The following VDR variants were observed in gnomAD, a reference collection of about 807,000 sequenced individuals.
VDR encodes the protein vitamin D3 receptor.
A neutral mutation model predicts 39.7 loss-of-function variants in VDR; 19 were observed. That is an observed-to-expected ratio of 0.48 (90% CI 0.33 to 0.70). VDR has a LOEUF of 0.70. VDR is among the 30% of genes least tolerant of loss of function. The pLI is 0.02. For missense variants in VDR, 442 were observed against 570.5 expected, an observed-to-expected ratio of 0.77 and a Z score of 2.29; for synonymous variants, 242 against 215.8, an observed-to-expected ratio of 1.12 and a Z score of -1.07.
At chr12:47,879,901 T>C (rs1390673320) in intron 2 of VDR, among the ~76,000 whole-genome samples, 1 of 152,200 alleles carries the variant, frequency 6.6e-6, no homozygotes, top group Non-Finnish European at 1.5e-5. Flanking sequence ...GATTTCATAC[T>C]TGAGGAAAAG....
intron 2 of VDR, among the ~76,000 whole-genome samples, chr12:47,881,618 A>T (rs1023770494): frequency 2.0e-5 from 3 of 152,140 alleles, no homozygotes; most frequent in Admixed American, 2.0e-4. Flanking sequence ...TCTTCTTCTT[A>T]TTATTATTAG....
At chr12:47,898,981 G>C (rs1003608795) in intron 1 of VDR, among the ~76,000 whole-genome samples, 1 of 152,182 alleles carries the variant, frequency 6.6e-6, no homozygotes, top group Non-Finnish European at 1.5e-5. Context: ...AACTTAGGTG[G>C]TAGGTACAGG....
intron 3 of VDR, among the ~76,000 whole-genome samples, chr12:47,867,773 C>T (rs549361446): frequency 2.6e-5 from 4 of 152,358 alleles, no homozygotes; most frequent in African/African-American, 9.6e-5. Context: ...GAGCTACTGA[C>T]GTCATCTGCT....
chr12:47,865,585 G>T (rs1413095916), intron 3 of VDR, among the ~76,000 whole-genome samples: 2 of 151,144 alleles, frequency 1.3e-5, no homozygotes, highest in African/African-American at 4.9e-5. Context: ...CTAATTTTTT[G>T]ATTTTTTTGT....
rs731236 is a variant in VDR at position 47,844,974 on chromosome 12, A to G, written c.1056T>C (p.Ile352=). 600,623 of 1,613,190 alleles carry G rather than the reference A, an allele frequency of 0.37. 115,868 individuals are homozygous for G. Among genetic ancestry groups the G allele is most frequent in the Middle Eastern group, 0.41 (2,469 of 6,040 alleles). Residue 352 remains isoleucine (I), a synonymous_variant, in exon 10 of 10, where the codon ATT becomes ATC. Transcript: ENST00000549336. ...DRPGVQDAAL[I]EAIQDRLSNT... ...TGGACAGGCGGTCCTGGATGGCCTC[A>G]ATCAGCGCGGCGTCCTGCACCCCAG...
chr12:47,902,342 G>C (rs1322274648), intron 1 of VDR, among the ~76,000 whole-genome samples: 1 of 152,348 alleles, frequency 6.6e-6, no homozygotes, highest in Non-Finnish European at 1.5e-5. Context: ...GCCCAGAGTG[G>C]CAGCCAGGCT....
At position 47,857,510 on chromosome 12, in the gene VDR, C is replaced by G; in HGVS notation, c.456G>C (p.Gln152His). The G allele has an allele frequency of 6.2e-7, 1 of 1,614,210 alleles. No individual in the cohort carries two copies. Among genetic ancestry groups the G allele is most frequent in the Non-Finnish European group, 8.5e-7 (1 of 1,180,040 alleles). Residue 152 changes from glutamine to histidine, a missense_variant, in exon 5 of 10, where the codon CAG becomes CAC. This residue lies in a region of VDR where 46 missense variants were observed against 82.0 expected (regional missense o/e 0.56). Transcript: ENST00000549336. ...TCCCAGCAGGCAGACATACCCGGAA[C>G]TGGCAGAAGTCGGAGTAGGTGGGGT... is the stretch of plus-strand genomic sequence containing the variant. ...TYDPTYSDFC[Q>H]FRPPVRVNDG...
chr12:47,892,291 C>A (rs777029829), intron 1 of VDR, among the ~76,000 whole-genome samples: 1 of 152,236 alleles, frequency 6.6e-6, no homozygotes, highest in Non-Finnish European at 1.5e-5. Context: ...TGAGGGTGGA[C>A]ACTTCCCCTG....
chr12:47,890,401 C>T (rs1042822770), intron 1 of VDR, among the ~76,000 whole-genome samples: 40 of 146,532 alleles, frequency 2.7e-4, no homozygotes, highest in Non-Finnish European at 1.5e-4. Flanking sequence ...ATATATAAAT[C>T]TAACACATAA....
chr12:47,873,229 GCT>G (rs890278516), intron 3 of VDR, among the ~76,000 whole-genome samples: 14 of 151,894 alleles, frequency 9.2e-5, no homozygotes, highest in African/African-American at 3.4e-4. Context: ...CCCTTCACTT[GCT>G]CTCTGTCTCT....
At chr12:47,878,943 G>C in intron 3 of VDR, 25 bp downstream of exon 3, 3 of 1,614,084 alleles carry the variant, frequency 1.9e-6, no homozygotes, top group African/African-American at 1.3e-5. Flanking sequence ...CTTTCCACTG[G>C]GGAGAGCCTG....
At chr12:47,875,573 A>G (rs1033289204) in intron 3 of VDR, among the ~76,000 whole-genome samples, 1 of 152,236 alleles carries the variant, frequency 6.6e-6, no homozygotes, top group African/African-American at 2.4e-5. Flanking sequence ...TTCCAAATAA[A>G]ATTTGGATGA....
intron 1 of VDR, among the ~76,000 whole-genome samples, chr12:47,885,625 C>G (rs1946237807): frequency 6.6e-6 from 1 of 152,270 alleles, no homozygotes; most frequent in Non-Finnish European, 1.5e-5. Context: ...GACAAGAAGT[C>G]TGACCGCTAA....
intron 2 of VDR, 135 bp from the exon 3 acceptor site, chr12:47,879,250 G>C: frequency 8.9e-7 from 1 of 1,128,412 alleles, no homozygotes; most frequent in Non-Finnish European, 1.2e-6. Context: ...GCAAGGGTGG[G>C]CATCTCCCCA....
intron 1 of VDR, among the ~76,000 whole-genome samples, chr12:47,889,564 G>A (rs562458205): frequency 6.6e-5 from 10 of 152,200 alleles, no homozygotes; most frequent in South Asian, 4.1e-4. Context: ...AGTGGGATAC[G>A]CCTGGCCTGA....
At chr12:47,846,916 C>A in intron 7 of VDR, 108 bp from the exon 8 acceptor site, 1 of 1,335,748 alleles carries the variant, frequency 7.5e-7, no homozygotes, top group Non-Finnish European at 1.1e-6. Flanking sequence ...CCAACATGCA[C>A]CCTGGGTCTT....
intron 1 of VDR, among the ~76,000 whole-genome samples, chr12:47,885,698 AT>A (rs887693200): frequency 3.3e-5 from 5 of 151,576 alleles, no homozygotes; most frequent in African/African-American, 7.3e-5. Context: ...GAGAAGCACT[AT>A]TTTTTTTTCT....
Position 47,844,534 on chromosome 12 carries a change from T to A in VDR, c.*212A>T. The A allele has an allele frequency of 1.5e-6, 1 of 666,388 alleles. No homozygotes were observed. The highest frequency in any genetic ancestry group is 2.5e-6 in the Non-Finnish European group (1 of 396,130). The allele number at this position is 666,388 out of a possible 1,614,324, so 41.3% of individuals were successfully genotyped here. On this transcript the variant is annotated 3_prime_UTR_variant, in exon 10 of 10. Coordinates refer to ENST00000549336, the MANE Select transcript of VDR (RefSeq NM_000376.3). ...TTGTCAAACAAACAGCAACTCCTCA[T>A]GGCTGAGGTCTCAAGGGACCGGGGA...
chr12:47,866,966 A>T (rs1340341875), intron 3 of VDR, among the ~76,000 whole-genome samples: 1 of 152,032 alleles, frequency 6.6e-6, no homozygotes, highest in Non-Finnish European at 1.5e-5. Context: ...ACTGCACTCC[A>T]GCCTGGGCAA....
Sources: gnomAD v4.1 joint callset for allele counts (sites outside exome capture counted in the v4.1 genomes callset) on GRCh38, gnomAD v4.1.1 for gene constraint, gnomAD v4.1.1 regional missense constraint, MANE v1.5 for transcripts, NCBI Gene and HGNC (gene_info 2026-07-23, HGNC 2026-07-21) for gene names.